Variants in ZNF469 observed in about 807,000 individuals in gnomAD.
ZNF469 encodes zinc finger protein 469.
In ZNF469, 1 loss-of-function variant was observed where a neutral mutation model predicts 1.0. The observed-to-expected ratio is 1.00, with a 90% CI of 0.35 to 4.73. ZNF469 has a LOEUF of 4.73. Ranked by LOEUF, ZNF469 falls within the 30% of genes most tolerant of loss-of-function variation. ZNF469 has a pLI of 0.16. For synonymous variants in ZNF469, 2,703 were observed against 2,363.4 expected, an observed-to-expected ratio of 1.14 and a Z score of -4.17; for missense variants, 6,100 against 5,356.3, an observed-to-expected ratio of 1.14 and a Z score of -4.33.
intron 1 of ZNF469, among the ~76,000 whole-genome samples, chr16:88,404,905 C>A (rs879608791): frequency 1.9e-4 from 29 of 152,216 alleles, no homozygotes; most frequent in Admixed American, 1.7e-3. Context: ...CAGAACGCAA[C>A]TCCAAACAGA....
the ZNF469 span, among the ~76,000 whole-genome samples, chr16:88,167,068 TTTTTTTTTTC>T: frequency 7.1e-6 from 1 of 140,316 alleles, no homozygotes; most frequent in Non-Finnish European, 1.5e-5. Flanking sequence ...TTTTTTTTTT[TTTTTTTTTTC>T]TAAGAGGGAA....
chr16:88,244,995 G>A, the ZNF469 span, among the ~76,000 whole-genome samples: 26,292 of 150,410 alleles, frequency 0.17, 2,469 homozygotes, highest in East Asian at 0.39. Flanking sequence ...AAGACCCATC[G>A]GAAGACTAGG....
chr16:88,218,169 G>C, the ZNF469 span, among the ~76,000 whole-genome samples: 4 of 146,528 alleles, frequency 2.7e-5, no homozygotes, highest in Non-Finnish European at 4.5e-5. Flanking sequence ...TTGTGGTTTT[G>C]ATTTGCATTT....
chr16:88,427,125 A>AAGG lies in ZNF469; in HGVS notation c.-126-219_-126-217dup, dbSNP rs1905739593. ...CGCCCCTCTTCTCCCTAAGACAGGG[A>AAGG]AGGGTCCCTGTTCCATCTGGCGGGA... On this transcript the variant is annotated intron_variant, in intron 2 of 2. Transcript: ENST00000565624. Among the ~76,000 whole-genome samples, 3 of 151,754 alleles carry AAGG rather than the reference A, an allele frequency of 2.0e-5. No individual in the cohort carries two copies. In the South Asian group the frequency reaches 6.2e-4, roughly 32 times the overall value.
the ZNF469 span, among the ~76,000 whole-genome samples, chr16:88,145,474 G>A: frequency 2.0e-5 from 3 of 152,242 alleles, no homozygotes; most frequent in South Asian, 2.1e-4. Context: ...TGCGAGCCTC[G>A]TGCTTGGCCG....
chr16:88,270,847 C>T, the ZNF469 span, among the ~76,000 whole-genome samples: 12 of 152,358 alleles, frequency 7.9e-5, no homozygotes, highest in African/African-American at 2.9e-4. Context: ...AGATCAGTGC[C>T]GTTGGCTTGA....
Position 88,438,418 on chromosome 16 carries a change from G to C in ZNF469, c.10948G>C (p.Val3650Leu). 1.9e-6 allele frequency: 3 copies of C among 1,550,132 alleles called. No homozygotes were observed. The highest frequency in any genetic ancestry group is 2.6e-6 in the Non-Finnish European group (3 of 1,146,958). Residue 3650 changes from valine to leucine, a missense_variant, in exon 3 of 3, where the codon GTG (valine) becomes CTG (leucine). Val to Leu is a conservative substitution (Grantham distance 32). Transcript: ENST00000565624. The stretch of plus-strand genomic sequence containing the variant: ...CCACCTACTTCAGAAAGAGAAGGAG[G>C]TGTCCTCAAGCCACATGGTGTCTGA... ...EDHLLQKEKE[V>L]SSSHMVSEGG...
the ZNF469 span, among the ~76,000 whole-genome samples, chr16:88,196,541 C>T: frequency 6.6e-6 from 1 of 152,196 alleles, no homozygotes; most frequent in Non-Finnish European, 1.5e-5. Context: ...AACCCACTTC[C>T]CCTCCAGCCA....
chr16:88,186,702 G>A, the ZNF469 span, among the ~76,000 whole-genome samples: 2 of 152,210 alleles, frequency 1.3e-5, no homozygotes, highest in African/African-American at 4.8e-5. Context: ...TCTGAGACGT[G>A]CGGCCCGGGC....
the ZNF469 span, among the ~76,000 whole-genome samples, chr16:88,145,766 G>A: frequency 1.3e-5 from 2 of 152,228 alleles, no homozygotes; most frequent in Admixed American, 1.3e-4. Context: ...CCCCAGTGCC[G>A]GGCAACTGCT....
chr16:88,256,366 T>C, the ZNF469 span, among the ~76,000 whole-genome samples: 1 of 152,318 alleles, frequency 6.6e-6, no homozygotes, highest in East Asian at 1.9e-4. Context: ...GTCCTCCACA[T>C]CCTTTCATGG....
In ZNF469 at chr16:88,432,214, C is replaced by T. The variant is rs1203868819; in HGVS notation, c.4744C>T (p.Arg1582Cys). 1.9e-6 allele frequency: 3 copies of T among 1,549,888 alleles called. No individual in the cohort carries two copies. The highest frequency in any genetic ancestry group is 2.7e-5 in the African/African-American group (2 of 73,048). Reference protein sequence around the residue: ...ESQLQRSKDTRGAPRELAEAE... With the variant: ...ESQLQRSKDTCGAPRELAEAE... ...TCAGCTGCAAAGGAGCAAAGACACACGTGGGGCCCCGAGAGAGCTTGCAGA... is the reference window on the plus strand; with the variant it reads ...TCAGCTGCAAAGGAGCAAAGACACATGTGGGGCCCCGAGAGAGCTTGCAGA... Residue 1582 changes from arginine (R) to cysteine (C), a missense_variant, in exon 3 of 3, where the codon CGT becomes TGT. Physicochemically the swap from Arg to Cys is radical, Grantham distance 180 (BLOSUM62 -3). Coordinates refer to ENST00000565624, the MANE Select transcript of ZNF469 (RefSeq NM_001367624.2).
chr16:88,267,948 C>A, the ZNF469 span, among the ~76,000 whole-genome samples: 1 of 151,952 alleles, frequency 6.6e-6, no homozygotes, highest in Admixed American at 6.6e-5. Flanking sequence ...ATTTCCCATG[C>A]CCCCCGGCAG....
intron 1 of ZNF469, among the ~76,000 whole-genome samples, chr16:88,423,279 ATGGATGGATGGATAGGTGGG>A (rs940204009): frequency 6.6e-6 from 1 of 151,010 alleles, no homozygotes; most frequent in Non-Finnish European, 1.5e-5. Context: ...GGGTGGGTAG[ATGGATGGATGGATAGGTGGG>A]TGGATGGATG....
At chr16:88,170,730 C>G in the ZNF469 span, among the ~76,000 whole-genome samples, 4 of 152,140 alleles carry the variant, frequency 2.6e-5, no homozygotes, top group African/African-American at 9.7e-5. This position sits in a 1 kb window ranked among gnomAD's most constrained non-coding sequence, Gnocchi z 4.2. Context: ...GTGAGCAGGG[C>G]CGACACGTCT....
Position 88,436,262 on chromosome 16 carries a change from C to G in ZNF469, c.8792C>G (p.Pro2931Arg), listed in dbSNP as rs1906565350. The G allele has an allele frequency of 6.5e-7, 1 of 1,549,924 alleles. No individual in the cohort carries two copies. The highest frequency in any genetic ancestry group is 8.7e-7 in the Non-Finnish European group (1 of 1,146,894). The change falls in exon 3 of 3, where the codon CCC becomes CGC. Residue 2931 changes from proline (P) to arginine (R), a missense_variant. Pro to Arg is a moderately radical substitution (Grantham distance 103). Coordinates refer to ENST00000565624, the MANE Select transcript of ZNF469 (RefSeq NM_001367624.2). ...GAGGACCCGTGGGAGGACGAGGATC[C>G]CGCAGGTCTGCCCGAGTCCTTCCTC... ...CHEDPWEDED[P>R]AGLPESFLLD...
At chr16:88,109,475 G>A in the ZNF469 span, among the ~76,000 whole-genome samples, 6 of 152,126 alleles carry the variant, frequency 3.9e-5, no homozygotes, top group Admixed American at 3.3e-4. Flanking sequence ...CTGTGTCCAC[G>A]CTGTCTCCTC....
the ZNF469 span, among the ~76,000 whole-genome samples, chr16:88,248,375 T>C: frequency 6.6e-6 from 1 of 152,114 alleles, no homozygotes; most frequent in East Asian, 1.9e-4. Flanking sequence ...GGGACTGAAA[T>C]ATTGGTCCAG....
the ZNF469 span, among the ~76,000 whole-genome samples, chr16:88,314,688 C>T: frequency 6.7e-6 from 1 of 149,568 alleles, no homozygotes; most frequent in Middle Eastern, 3.4e-3. Context: ...TACGATGATG[C>T]TGGTGTGGAA....
Sources: gnomAD v4.1 joint callset for allele counts (sites outside exome capture counted in the v4.1 genomes callset) on GRCh38, gnomAD v4.1.1 for gene constraint, Gnocchi (gnomAD v3.1) non-coding constraint, MANE v1.5 for transcripts, NCBI Gene and HGNC (gene_info 2026-07-23, HGNC 2026-07-21) for gene names.